Variants in TIAM1 observed in about 807,000 individuals in gnomAD.
TIAM1 encodes TIAM Rac1 associated GEF 1.
Under a neutral mutation model 163.5 loss-of-function variants are expected in TIAM1, and 65 were observed. That is an observed-to-expected ratio of 0.40 (90% confidence interval 0.33 to 0.49). The LOEUF is 0.49. TIAM1 is among the 20% of genes least tolerant of loss of function. TIAM1 has a pLI of 0.77. For missense variants in TIAM1, 1,789 were observed against 2,044.7 expected (o/e 0.87, Z 2.41); for synonymous variants, 833 against 810.1 (o/e 1.03, Z -0.48).
At chr21:31,493,454 G>A (rs1053609586) in intron 1 of TIAM1, among the ~76,000 whole-genome samples, 1 of 152,180 alleles carries the variant, frequency 6.6e-6, no homozygotes, top group Non-Finnish European at 1.5e-5. Context: ...ACCAAAGGAT[G>A]GAAATTAGGT....
At chr21:31,429,297 C>A (rs1234320759) in intron 2 of TIAM1, among the ~76,000 whole-genome samples, 1 of 152,178 alleles carries the variant, frequency 6.6e-6, no homozygotes, top group Non-Finnish European at 1.5e-5. Context: ...CAGACGTAAG[C>A]CACAGCACTG....
In TIAM1 at chr21:31,331,002, G is replaced by A. The variant is rs187980994; in HGVS notation, c.-189+8241C>T. ...TTGTCCCTATTAAATAAACATGTCC[G>A]TGGAACTTCGCTGTAGATTCCATTA... On this transcript the variant is annotated intron_variant, in intron 2 of 27. Transcript: ENST00000541036. Among the ~76,000 whole-genome samples the A allele has an allele frequency of 2.9e-3, 440 of 151,928 alleles. 2 individuals are homozygous for A. Among genetic ancestry groups the A allele is most frequent in the Non-Finnish European group, 3.8e-3 (258 of 67,994 alleles).
intron 1 of TIAM1, among the ~76,000 whole-genome samples, chr21:31,492,049 GTA>G (rs146054323): frequency 0.023 from 3,455 of 151,770 alleles, 64 homozygotes; most frequent in Non-Finnish European, 0.033. Flanking sequence ...ATATATGTGT[GTA>G]TATATATATG....
chr21:31,181,282 C>G (rs537729172), intron 15 of TIAM1, among the ~76,000 whole-genome samples: 1 of 152,210 alleles, frequency 6.6e-6, no homozygotes, highest in Non-Finnish European at 1.5e-5. Flanking sequence ...GAATATAAAC[C>G]CAGTCTCAGG....
intron 4 of TIAM1, among the ~76,000 whole-genome samples, chr21:31,260,466 TG>T (rs2072399005): frequency 6.6e-6 from 1 of 151,580 alleles, no homozygotes; most frequent in Non-Finnish European, 1.5e-5. Context: ...CTCGAACTCC[TG>T]ACCTGAAATG....
intron 2 of TIAM1, among the ~76,000 whole-genome samples, chr21:31,456,357 G>C (rs1185609254): frequency 6.6e-6 from 1 of 152,218 alleles, no homozygotes; most frequent in Non-Finnish European, 1.5e-5. Flanking sequence ...CGGAACCCAG[G>C]ACCAGGTGCG....
At chr21:31,506,010 CA>C (rs141958932) in intron 1 of TIAM1, among the ~76,000 whole-genome samples, 22,327 of 84,016 alleles carry the variant, frequency 0.27, 1,991 homozygotes, top group East Asian at 0.66. Flanking sequence ...GACTCTGCCT[CA>C]AAAAAAAAAA....
intron 19 of TIAM1, among the ~76,000 whole-genome samples, chr21:31,151,992 T>A (rs1423739773): frequency 6.6e-6 from 1 of 151,218 alleles, no homozygotes; most frequent in Non-Finnish European, 1.5e-5. Context: ...CACGATAAAT[T>A]AATTTGTTTA....
intron 2 of TIAM1, among the ~76,000 whole-genome samples, chr21:31,316,518 C>T (rs1468494726): frequency 6.6e-6 from 1 of 152,220 alleles, no homozygotes; most frequent in Non-Finnish European, 1.5e-5. Flanking sequence ...CTTCTCCTCA[C>T]CCTATGGCTG....
chr21:31,482,420 G>A (rs1206985651), intron 1 of TIAM1, among the ~76,000 whole-genome samples: 2 of 152,124 alleles, frequency 1.3e-5, no homozygotes, highest in Non-Finnish European at 2.9e-5. Flanking sequence ...CCAAAGTGCT[G>A]TGATTACAGG....
intron 15 of TIAM1, among the ~76,000 whole-genome samples, chr21:31,178,939 C>T (rs1018242606): frequency 5.3e-5 from 8 of 151,164 alleles, no homozygotes; most frequent in Non-Finnish European, 1.0e-4. Context: ...TTAGTAGAGA[C>T]GGGGTTTCTC....
chr21:31,120,975 A>G lies in TIAM1; in HGVS notation c.4307-138T>C, dbSNP rs920828508. ...TGCCTTGATGTCTTTTGGGGCTTAA[A>G]GTCTACATATCACCAATCTGTCATG... On this transcript the variant is annotated intron_variant, in intron 27 of 27. Transcript: ENST00000541036. The surrounding 1 kb of genome is among the most constrained non-coding windows in gnomAD (Gnocchi z 4.2). The G allele has an allele frequency of 5.2e-6, 4 of 768,632 alleles. No individual in the cohort carries two copies. The highest frequency in any genetic ancestry group is 3.5e-5 in the African/African-American group (2 of 56,874). The allele number at this position is 768,632 out of a possible 1,614,324, so 47.6% of individuals were successfully genotyped here. A position where few individuals can be genotyped will look rare whatever the true frequency, so the allele number is the denominator to read the frequency against.
intron 2 of TIAM1, among the ~76,000 whole-genome samples, chr21:31,315,333 T>C (rs1054309441): frequency 6.6e-6 from 1 of 151,738 alleles, no homozygotes; most frequent in African/African-American, 2.4e-5. Context: ...GCTAACACGG[T>C]GAAACCCCTT....
chr21:31,397,665 C>T (rs534786459), intron 2 of TIAM1, among the ~76,000 whole-genome samples: 35 of 152,266 alleles, frequency 2.3e-4, no homozygotes, highest in East Asian at 5.8e-4. Flanking sequence ...GGTGCCAACA[C>T]GTTATGATCC....
intron 16 of TIAM1, among the ~76,000 whole-genome samples, chr21:31,160,086 C>T (rs181418706): frequency 9.4e-4 from 143 of 152,218 alleles, no homozygotes; most frequent in African/African-American, 3.3e-3. Context: ...TCACCATGCA[C>T]GTAACACAAA....
At chr21:31,519,211 A>T (rs2047484450) in intron 1 of TIAM1, among the ~76,000 whole-genome samples, 2 of 150,386 alleles carry the variant, frequency 1.3e-5, no homozygotes, top group Non-Finnish European at 3.0e-5. Flanking sequence ...AGGCTGAGGC[A>T]GGAGAATTGC....
intron 2 of TIAM1, among the ~76,000 whole-genome samples, chr21:31,399,134 T>C (rs2077122793): frequency 6.6e-6 from 1 of 152,194 alleles, no homozygotes; most frequent in African/African-American, 2.4e-5. Context: ...TACTCATTTA[T>C]ACTATGTATA....
intron 2 of TIAM1, among the ~76,000 whole-genome samples, chr21:31,404,310 A>G (rs1196882439): frequency 6.6e-6 from 1 of 152,220 alleles, no homozygotes; most frequent in African/African-American, 2.4e-5. Flanking sequence ...TCTCTATCCC[A>G]TAACTGAGCT....
intron 20 of TIAM1, among the ~76,000 whole-genome samples, chr21:31,145,354 A>AT (rs1243965954): frequency 7.9e-5 from 12 of 152,304 alleles, no homozygotes; most frequent in Middle Eastern, 6.8e-3. Context: ...AGCAAACATA[A>AT]ACACAAGAAC....
Sources: gnomAD v4.1 joint callset for allele counts (sites outside exome capture counted in the v4.1 genomes callset) on GRCh38, gnomAD v4.1.1 for gene constraint, Gnocchi (gnomAD v3.1) non-coding constraint, MANE v1.5 for transcripts, NCBI Gene and HGNC (gene_info 2026-07-23, HGNC 2026-07-21) for gene names.